PCDH15: variants seen among roughly 807,000 people sequenced by gnomAD.
PCDH15 encodes the protein protocadherin-15.
In PCDH15, 129 loss-of-function variants were observed where a neutral mutation model predicts 178.5. That is an observed-to-expected ratio of 0.72 (90% CI 0.63 to 0.84). The LOEUF (loss-of-function observed/expected upper bound fraction) is 0.84, where lower values mean the gene tolerates loss of function less well. Ranked by LOEUF, PCDH15 falls within the 40% of genes least tolerant of loss-of-function variation. PCDH15 has a pLI of 0.00. For missense variants in PCDH15, 2,230 were observed against 2,099.9 expected (o/e 1.06, Z -1.21); for synonymous variants, 800 against 732.0 (o/e 1.09, Z -1.50).
intron 26 of PCDH15, among the ~76,000 whole-genome samples, chr10:53,890,692 T>C (rs1299282838): frequency 1.3e-5 from 2 of 152,178 alleles, no homozygotes; most frequent in Non-Finnish European, 2.9e-5. Flanking sequence ...TTGATGGAGA[T>C]GCCTAGTTTA....
chr10:54,722,202 T>C (rs67587715), intron 1 of PCDH15, among the ~76,000 whole-genome samples: 18,457 of 151,562 alleles, frequency 0.12, 1,247 homozygotes, highest in African/African-American at 0.17. Context: ...AATTAAACAT[T>C]GAGAAACATA....
intron 23 of PCDH15, among the ~76,000 whole-genome samples, chr10:53,956,449 C>T (rs887448037): frequency 6.6e-6 from 1 of 152,030 alleles, no homozygotes; most frequent in African/African-American, 2.4e-5. Flanking sequence ...CAAATTTAGA[C>T]CTATATAAAC....
chr10:54,921,112 A>G (rs1837475316), intron 2 of PCDH15, among the ~76,000 whole-genome samples: 1 of 152,110 alleles, frequency 6.6e-6, no homozygotes, highest in Non-Finnish European at 1.5e-5. Flanking sequence ...CACTTCTAAG[A>G]TGTGGTAAAA....
intron 2 of PCDH15, among the ~76,000 whole-genome samples, chr10:55,131,407 T>C (rs1379051200): frequency 1.3e-5 from 2 of 152,066 alleles, no homozygotes; most frequent in Non-Finnish European, 2.9e-5. Flanking sequence ...TTGGTCTGGG[T>C]TCCCTGAAGG....
intron 2 of PCDH15, among the ~76,000 whole-genome samples, chr10:55,344,350 T>C (rs1381800682): frequency 1.3e-5 from 2 of 152,154 alleles, no homozygotes; most frequent in Non-Finnish European, 2.9e-5. Flanking sequence ...ATTTCTATTC[T>C]AGCTACTATT....
At chr10:54,088,489 C>G (rs2094549884) in intron 16 of PCDH15, among the ~76,000 whole-genome samples, 1 of 152,030 alleles carries the variant, frequency 6.6e-6, no homozygotes, top group African/African-American at 2.4e-5. Flanking sequence ...AATATTTTCT[C>G]TGATTGTAGG....
rs187970277 is a variant in PCDH15 at position 55,420,044 on chromosome 10, C to T, written c.-156+207581G>A. On this transcript the variant is annotated intron_variant, in intron 2 of 5. Coordinates refer to the PCDH15 transcript ENST00000613346. Reference sequence around the variant, plus strand: ...AACATTTATTTAACTCGAAAATCCGCTGGGTAGATGAGGGTTGACTGATCT... The same window carrying T: ...AACATTTATTTAACTCGAAAATCCGTTGGGTAGATGAGGGTTGACTGATCT... Among the ~76,000 whole-genome samples, 86 of 151,744 alleles carry T rather than the reference C, an allele frequency of 5.7e-4. 1 individual carries two copies. The highest frequency in any genetic ancestry group is 9.6e-4 in the Non-Finnish European group (65 of 67,746).
At chr10:54,743,105 G>T (rs551176864) in intron 1 of PCDH15, among the ~76,000 whole-genome samples, 5 of 151,996 alleles carry the variant, frequency 3.3e-5, no homozygotes, top group African/African-American at 1.2e-4. Context: ...GTAGATAAAG[G>T]TTCTGATCTG....
chr10:55,326,265 C>G (rs1303904810), intron 2 of PCDH15, among the ~76,000 whole-genome samples: 1 of 152,066 alleles, frequency 6.6e-6, no homozygotes, highest in Non-Finnish European at 1.5e-5. Context: ...ATTATTCTGT[C>G]AAAAAGACAC....
At chr10:55,060,269 A>T (rs1325743490) in intron 2 of PCDH15, among the ~76,000 whole-genome samples, 3 of 152,072 alleles carry the variant, frequency 2.0e-5, no homozygotes, top group Non-Finnish European at 4.4e-5. Flanking sequence ...TACTTTATTC[A>T]ATGTGCACAA....
intron 2 of PCDH15, among the ~76,000 whole-genome samples, chr10:55,054,882 ATTTG>A (rs1841258595): frequency 1.3e-5 from 2 of 152,068 alleles, no homozygotes; most frequent in East Asian, 1.9e-4. Context: ...TCTTCTTGTA[ATTTG>A]TTTAAGTTCC....
intron 4 of PCDH15, among the ~76,000 whole-genome samples, chr10:54,375,808 ATAAATAAAAATATATT>A (rs1948317680): frequency 8.6e-6 from 1 of 116,660 alleles, no homozygotes; most frequent in African/African-American, 3.4e-5. Flanking sequence ...TATATAATAT[ATAAATAAAAATATATT>A]TTTGAAATGG....
At chr10:54,520,288 G>T (rs2082706368) in intron 3 of PCDH15, among the ~76,000 whole-genome samples, 1 of 152,074 alleles carries the variant, frequency 6.6e-6, no homozygotes, top group Non-Finnish European at 1.5e-5. Context: ...CCTACAAAAT[G>T]GGAGAAAATT....
intron 32 of PCDH15, 51 bp downstream of exon 32, chr10:53,827,341 AG>A: frequency 6.4e-7 from 1 of 1,551,572 alleles, no homozygotes; most frequent in Non-Finnish European, 8.7e-7. Flanking sequence ...CTCACCACAC[AG>A]AATTCAGTAA....
intron 2 of PCDH15, among the ~76,000 whole-genome samples, chr10:55,536,849 A>T (rs1195845821): frequency 5.3e-5 from 8 of 152,174 alleles, no homozygotes; most frequent in Non-Finnish European, 8.8e-5. Flanking sequence ...TGCAACTTCT[A>T]TCTGCATATA....
intron 2 of PCDH15, among the ~76,000 whole-genome samples, chr10:55,620,310 T>C (rs922164380): frequency 6.9e-6 from 1 of 144,472 alleles, no homozygotes; most frequent in Non-Finnish European, 1.5e-5. Context: ...GAAAAACTAT[T>C]TTTTTTTTTG....
rs566824678 is a variant in PCDH15, at chr10:54,776,998, T to C, written c.-29+23927A>G. ...TTTTATTATGGAAAAATATGCTGTT[T>C]ATAGTATAATGTGAATCCTCTTCTC... On this transcript the variant is annotated intron_variant, in intron 1 of 37. Coordinates refer to ENST00000644397, the MANE Select transcript of PCDH15 (RefSeq NM_001384140.1). Among the ~76,000 whole-genome samples the C allele has an allele frequency of 1.3e-4, 20 of 152,326 alleles. No homozygotes were observed. In the South Asian group the frequency reaches 4.1e-3, roughly 32 times the overall value.
At chr10:54,796,778 G>GTCTGTC (rs1465540363) in intron 1 of PCDH15, among the ~76,000 whole-genome samples, 1 of 151,806 alleles carries the variant, frequency 6.6e-6, no homozygotes, top group East Asian at 1.9e-4. Flanking sequence ...ACTTATCTGT[G>GTCTGTC]TCTGTCTCTG....
chr10:55,517,856 A>G (rs966889128), intron 2 of PCDH15, among the ~76,000 whole-genome samples: 1 of 151,770 alleles, frequency 6.6e-6, no homozygotes, highest in African/African-American at 2.4e-5. Flanking sequence ...TTTTTGACCA[A>G]CTCTAGCCAG....
Sources: gnomAD v4.1 joint callset for allele counts (sites outside exome capture counted in the v4.1 genomes callset) on GRCh38, gnomAD v4.1.1 for gene constraint, MANE v1.5 for transcripts, NCBI Gene and HGNC (gene_info 2026-07-23, HGNC 2026-07-21) for gene names.